NAPB: variants seen among roughly 807,000 people sequenced by gnomAD.
NAPB encodes NSF attachment protein beta.
In NAPB, 26 loss-of-function variants were observed where a neutral mutation model predicts 44.7. The observed-to-expected ratio is 0.58, with a 90% CI of 0.43 to 0.81. The LOEUF (loss-of-function observed/expected upper bound fraction) is 0.81, where lower values mean the gene tolerates loss of function less well. Among genes scored for constraint, NAPB ranks in the 30% least tolerant of loss-of-function variants. NAPB has a pLI of 0.00. For synonymous variants in NAPB, 120 were observed against 116.8 expected, an observed-to-expected ratio of 1.03 and a Z score of -0.18; for missense variants, 315 against 356.4, an observed-to-expected ratio of 0.88 and a Z score of 0.94.
intron 7 of NAPB, among the ~76,000 whole-genome samples, chr20:23,382,799 C>T (rs6137920): frequency 0.076 from 11,548 of 152,112 alleles, 669 homozygotes; most frequent in East Asian, 0.3. Flanking sequence ...GCATCAAGGA[C>T]CCATGGGATA....
chr20:23,396,886 TA>T (rs1007349073), intron 3 of NAPB, 185 bp downstream of exon 3: 13 of 423,576 alleles, frequency 3.1e-5, no homozygotes, highest in Non-Finnish European at 4.7e-5. Context: ...TTTCTCCTCA[TA>T]AAAGCCCCCA....
chr20:23,382,111 G>C (rs1779564735), intron 7 of NAPB, among the ~76,000 whole-genome samples: 1 of 152,170 alleles, frequency 6.6e-6, no homozygotes, highest in Non-Finnish European at 1.5e-5. Flanking sequence ...TGTCAGAAGA[G>C]GTCTAGTGGA....
intron 2 of NAPB, 47 bp downstream of exon 2, chr20:23,402,946 G>T: frequency 2.8e-6 from 4 of 1,447,256 alleles, no homozygotes; most frequent in South Asian, 1.2e-5. Context: ...CCTTCAAAGT[G>T]ATTTTAAACC....
intron 8 of NAPB, among the ~76,000 whole-genome samples, chr20:23,380,237 TTCTTAATACAG>T (rs1426280850): frequency 6.6e-6 from 1 of 152,244 alleles, no homozygotes; most frequent in Admixed American, 6.5e-5. Flanking sequence ...AATGGAGACG[TTCTTAATACAG>T]TCCAGATTCC....
At chr20:23,411,135 G>GA (rs1985626371) in intron 1 of NAPB, among the ~76,000 whole-genome samples, 4 of 152,076 alleles carry the variant, frequency 2.6e-5, no homozygotes, top group Non-Finnish European at 5.9e-5. Context: ...AAGAGGGGAA[G>GA]AAAAAACCCA....
chr20:23,391,795 T>C (rs1983978851), intron 5 of NAPB, among the ~76,000 whole-genome samples: 1 of 152,228 alleles, frequency 6.6e-6, no homozygotes, highest in African/African-American at 2.4e-5. Flanking sequence ...TTAAAAACCG[T>C]AAAAACCATT....
At position 23,421,429 on chromosome 20, in the gene NAPB, C is replaced by A. The variant is rs1986431156; in HGVS notation, c.-27G>T. The A allele has an allele frequency of 1.3e-6, 2 of 1,537,732 alleles. No individual in the cohort carries two copies. The highest frequency in any genetic ancestry group is 1.8e-6 in the Non-Finnish European group (2 of 1,140,630). ...TCGCCCGCCGCGGCCGCCACAGCCC[C>A]CTCAGCCGGCTCGCTGTGCGCCCAG... On this transcript the variant is annotated 5_prime_UTR_variant, in exon 1 of 11. Coordinates refer to ENST00000377026, the MANE Select transcript of NAPB (RefSeq NM_022080.3).
At chr20:23,421,172 G>A in intron 1 of NAPB, 133 bp downstream of exon 1, 1 of 671,234 alleles carries the variant, frequency 1.5e-6, no homozygotes, top group Non-Finnish European at 2.4e-6. Context: ...GAGGGCGCCT[G>A]CAGGCTGAGG....
At chr20:23,383,033 T>C (rs1983152562) in intron 7 of NAPB, among the ~76,000 whole-genome samples, 1 of 151,960 alleles carries the variant, frequency 6.6e-6, no homozygotes, top group Admixed American at 6.6e-5. Context: ...CAAGCACCTG[T>C]AGTCCCAGCT....
intron 1 of NAPB, among the ~76,000 whole-genome samples, chr20:23,412,577 T>C (rs1476173007): frequency 6.6e-6 from 1 of 152,080 alleles, no homozygotes; most frequent in East Asian, 1.9e-4. Context: ...AGAAATACAC[T>C]TATAAGAAAG....
At position 23,379,560 on chromosome 20, in the gene NAPB, C is replaced by T. The variant is rs1158775276; in HGVS notation, c.736-65G>A. On this transcript the variant is annotated intron_variant, in intron 9 of 10. Transcript: ENST00000377026. Reference sequence around the variant, plus strand: ...ATGAAGTCCCATTTCTAAATATATACTTTAAGTATAATACCAATGTTGCCA... The same window carrying T: ...ATGAAGTCCCATTTCTAAATATATATTTTAAGTATAATACCAATGTTGCCA... The T allele has an allele frequency of 3.2e-6, 4 of 1,258,328 alleles. No individual in the cohort carries two copies. The East Asian group carries it at 9.4e-5, about 30-fold the overall frequency. 77.9% of individuals were successfully genotyped at this position (1,258,328 alleles called of 1,614,324 possible).
chr20:23,383,753 T>G (rs867406454), intron 7 of NAPB, among the ~76,000 whole-genome samples: 1 of 152,152 alleles, frequency 6.6e-6, no homozygotes, highest in Non-Finnish European at 1.5e-5. Flanking sequence ...AGAAAGAACA[T>G]GGTAAGCAAA....
rs751002706 is a variant in NAPB at position 23,397,023 on chromosome 20, CT to C, written c.295+48del. On this transcript the variant is annotated intron_variant, in intron 3 of 10. Coordinates refer to ENST00000377026, the MANE Select transcript of NAPB (RefSeq NM_022080.3). Reference sequence around the variant, plus strand: ...ACCTTAACGTTGAGGGAAGTACTGACTGGTTAGTTACACACAGAGATAGCAT... The same window carrying C: ...ACCTTAACGTTGAGGGAAGTACTGACGGTTAGTTACACACAGAGATAGCAT... 15 of 1,574,018 alleles carry C rather than the reference CT, an allele frequency of 9.5e-6. No individual in the cohort carries two copies. In the South Asian group the frequency reaches 1.6e-4, roughly 17 times the overall value.
chr20:23,402,376 T>C (rs1320265305), intron 2 of NAPB, among the ~76,000 whole-genome samples: 1 of 152,176 alleles, frequency 6.6e-6, no homozygotes. Flanking sequence ...CAAAGAGCCA[T>C]CCCATCTCAG....
chr20:23,377,964 CT>C (rs1480266437), intron 10 of NAPB, among the ~76,000 whole-genome samples: 2 of 152,080 alleles, frequency 1.3e-5, no homozygotes, highest in Non-Finnish European at 1.5e-5. Flanking sequence ...GAAAACATTC[CT>C]TTCCTCTATC....
intron 1 of NAPB, among the ~76,000 whole-genome samples, chr20:23,406,490 T>G (rs1311175811): frequency 6.6e-6 from 1 of 151,240 alleles, no homozygotes; most frequent in Admixed American, 6.6e-5. Flanking sequence ...ACAAAAAAAA[T>G]CAAAAAAACA....
chr20:23,393,467 C>G (rs115892912), intron 5 of NAPB, among the ~76,000 whole-genome samples: 22 of 152,266 alleles, frequency 1.4e-4, no homozygotes, highest in African/African-American at 5.3e-4. Context: ...ACCAGGAAGA[C>G]TCCATTTGGT....
intron 8 of NAPB, among the ~76,000 whole-genome samples, chr20:23,380,311 C>G (rs1305873728): frequency 6.6e-6 from 1 of 152,166 alleles, no homozygotes; most frequent in East Asian, 1.9e-4. Flanking sequence ...AACAGTTTCT[C>G]TTACTGGCTT....
At chr20:23,416,561 A>C (rs1001161106) in intron 1 of NAPB, among the ~76,000 whole-genome samples, 6 of 152,024 alleles carry the variant, frequency 3.9e-5, no homozygotes, top group Non-Finnish European at 7.4e-5. Context: ...TGGTCTCCCC[A>C]TGAATAATAA....
Sources: allele counts gnomAD v4.1 joint callset (sites outside exome capture counted in the v4.1 genomes callset), GRCh38; gene constraint gnomAD v4.1.1; transcripts MANE v1.5; gene names NCBI Gene and HGNC (gene_info 2026-07-23, HGNC 2026-07-21).